The following ANK3 variants were observed in gnomAD, a reference collection of about 807,000 sequenced individuals.
ANK3 encodes the protein ankyrin 3, also known as ankyrin-3.
ANK3 carries 57 observed loss-of-function variants against 370.9 expected under a neutral mutation model. That is an observed-to-expected ratio of 0.15 (90% CI 0.12 to 0.19). ANK3 has a LOEUF of 0.19. Among genes scored for constraint, ANK3 ranks in the 10% least tolerant of loss-of-function variants. ANK3 has a pLI of 1.00. For synonymous variants in ANK3, 1,929 were observed against 1,946.3 expected, an observed-to-expected ratio of 0.99 and a Z score of 0.23; for missense variants, 4,439 against 5,302.1, an observed-to-expected ratio of 0.84 and a Z score of 5.06.
At chr10:60,682,100 T>A (rs72637064) in intron 1 of ANK3, among the ~76,000 whole-genome samples, 17,487 of 152,140 alleles carry the variant, frequency 0.11, 1,461 homozygotes, top group East Asian at 0.27. Context: ...CAAACTATGA[T>A]CATGCCTCTG....
intron 2 of ANK3, among the ~76,000 whole-genome samples, chr10:60,573,207 G>T (rs1270961787): frequency 6.6e-6 from 1 of 151,844 alleles, no homozygotes; most frequent in African/African-American, 2.4e-5. Context: ...TCACAGGCTA[G>T]ATTTTCTCCA....
chr10:60,179,856 C>T (rs560866158), intron 18 of ANK3, among the ~76,000 whole-genome samples: 1 of 152,272 alleles, frequency 6.6e-6, no homozygotes, highest in Admixed American at 6.5e-5. Flanking sequence ...TAAGAATCCT[C>T]ACCATACTCC....
chr10:60,568,211 GA>G (rs1356265981), intron 2 of ANK3, among the ~76,000 whole-genome samples: 1 of 152,088 alleles, frequency 6.6e-6, no homozygotes, highest in African/African-American at 2.4e-5. Context: ...GATCTTTCAC[GA>G]AACGAAGAGT....
intron 1 of ANK3, among the ~76,000 whole-genome samples, chr10:60,622,743 T>C (rs749916969): frequency 2.0e-5 from 3 of 151,846 alleles, no homozygotes; most frequent in Non-Finnish European, 4.4e-5. Context: ...GGGAAGAAAA[T>C]GGGCTTTTAA....
At chr10:60,293,073 C>T (rs369764157) in intron 1 of ANK3, among the ~76,000 whole-genome samples, 1 of 152,192 alleles carries the variant, frequency 6.6e-6, no homozygotes, top group Non-Finnish European at 1.5e-5. Flanking sequence ...TCTAGCTCAT[C>T]TGTCTCAATT....
chr10:60,281,946 A>G (rs1015435737), intron 1 of ANK3, among the ~76,000 whole-genome samples: 1 of 152,238 alleles, frequency 6.6e-6, no homozygotes, highest in Non-Finnish European at 1.5e-5. Context: ...GACAAATAAA[A>G]GTTTCCAGGG....
At chr10:60,408,987 T>C (rs543881332) in intron 2 of ANK3, among the ~76,000 whole-genome samples, 2 of 152,344 alleles carry the variant, frequency 1.3e-5, no homozygotes, top group East Asian at 3.9e-4. Flanking sequence ...GCTATCATTA[T>C]GTGGCTTCTG....
At chr10:60,426,706 G>A (rs75093062) in intron 2 of ANK3, among the ~76,000 whole-genome samples, 4,819 of 152,188 alleles carry the variant, frequency 0.032, 248 homozygotes, top group African/African-American at 0.11. Context: ...CTGAAAGGCC[G>A]TCAAGCATCT....
chr10:60,045,696 G>A (rs1013729625), intron 42 of ANK3, among the ~76,000 whole-genome samples: 2 of 152,148 alleles, frequency 1.3e-5, no homozygotes, highest in African/African-American at 4.8e-5. Context: ...CACAAAAACA[G>A]CTGCCTTCCT....
chr10:60,150,448 T>A (rs916517359), intron 23 of ANK3, among the ~76,000 whole-genome samples: 2 of 152,218 alleles, frequency 1.3e-5, no homozygotes, highest in African/African-American at 4.8e-5. Flanking sequence ...CCTGTCTTTT[T>A]AATTTTCTTG....
chr10:60,301,247 T>TAC (rs149106588), intron 1 of ANK3, among the ~76,000 whole-genome samples: 15,863 of 146,748 alleles, frequency 0.11, 1,042 homozygotes, highest in Non-Finnish European at 0.15. Context: ...TATATACATA[T>TAC]ACACACACAC....
intron 2 of ANK3, among the ~76,000 whole-genome samples, chr10:60,469,105 G>GTATATA (rs370314200): frequency 0.14 from 1,996 of 14,448 alleles, 267 homozygotes; most frequent in South Asian, 0.28. Context: ...ACCACTTTTA[G>GTATATA]TATATATATA....
rs34346333 is a variant in ANK3 at position 60,642,633 on chromosome 10, G to C, written c.58-27409C>G. On this transcript the variant is annotated intron_variant, in intron 1 of 43. Transcript: ENST00000373827. Reference sequence around the variant, plus strand: ...AACATCACACTCTGAGGACTGTTGTGGGGTGGGGGGGCGAGGGATAGCATT... The same window carrying C: ...AACATCACACTCTGAGGACTGTTGTCGGGTGGGGGGGCGAGGGATAGCATT... Among the ~76,000 whole-genome samples, 667 of 104,128 alleles carry C rather than the reference G, an allele frequency of 6.4e-3. 17 individuals are homozygous for C. Among genetic ancestry groups the C allele is most frequent in the East Asian group, 3.4e-3 (15 of 4,468 alleles). 68.3% of individuals were successfully genotyped at this position (104,128 alleles called of 152,430 possible).
At chr10:60,572,275 G>C (rs910610342) in intron 2 of ANK3, among the ~76,000 whole-genome samples, 1 of 152,130 alleles carries the variant, frequency 6.6e-6, no homozygotes, top group Non-Finnish European at 1.5e-5. Context: ...TTTTAGCAGT[G>C]TATCCGAGTT....
intron 1 of ANK3, among the ~76,000 whole-genome samples, chr10:60,680,662 C>T (rs201253155): frequency 4.6e-5 from 7 of 152,134 alleles, no homozygotes; most frequent in South Asian, 2.1e-4. Flanking sequence ...GCCAAACCAC[C>T]GGGTGACTCC....
At chr10:60,690,858 G>GTTAC (rs76718552) in intron 1 of ANK3, among the ~76,000 whole-genome samples, 5,301 of 152,266 alleles carry the variant, frequency 0.035, 103 homozygotes, top group Middle Eastern at 0.061. Context: ...GATAGGAGCT[G>GTTAC]TTACTGAGTG....
chr10:60,253,871 T>C (rs1592538613), intron 7 of ANK3, among the ~76,000 whole-genome samples: 1 of 152,228 alleles, frequency 6.6e-6, no homozygotes, highest in East Asian at 1.9e-4. Context: ...TATGTGTGTG[T>C]GGTCTCTGTT....
intron 14 of ANK3, 39 bp from the exon 15 acceptor site, chr10:60,196,664 A>G: frequency 7.3e-7 from 1 of 1,374,894 alleles, no homozygotes; most frequent in Non-Finnish European, 1.0e-6. Context: ...AACAATAGAA[A>G]TGACATAAGG....
intron 2 of ANK3, among the ~76,000 whole-genome samples, chr10:60,534,642 T>A (rs1326859435): frequency 2.6e-5 from 4 of 152,122 alleles, no homozygotes; most frequent in Admixed American, 2.6e-4. Context: ...AGCTTTCACT[T>A]CTCAGAAGCT....
Sources: allele counts gnomAD v4.1 joint callset (sites outside exome capture counted in the v4.1 genomes callset), GRCh38; gene constraint gnomAD v4.1.1; transcripts MANE v1.5; gene names NCBI Gene and HGNC (gene_info 2026-07-23, HGNC 2026-07-21).